The following LRMDA variants were observed in gnomAD, a reference collection of about 807,000 sequenced individuals.
LRMDA encodes leucine-rich melanocyte differentiation-associated protein.
LRMDA carries 18 observed loss-of-function variants against 29.8 expected under a neutral mutation model. The ratio of observed to expected loss-of-function variants is 0.60; its 90% CI spans 0.42 to 0.90. The LOEUF (loss-of-function observed/expected upper bound fraction) is 0.90, where lower values mean the gene tolerates loss of function less well. Ranked by LOEUF, LRMDA falls within the 40% of genes least tolerant of loss-of-function variation. The pLI is 0.00. For missense variants in LRMDA, 273 were observed against 273.9 expected, an observed-to-expected ratio of 1.00 and a Z score of 0.02; for synonymous variants, 125 against 109.4, an observed-to-expected ratio of 1.14 and a Z score of -0.89.
chr10:76,559,306 C>T lies in LRMDA; in HGVS notation c.*2018C>T, dbSNP rs1462880382. The T allele has an allele frequency of 1.3e-5, 2 of 152,040 alleles. No individual in the cohort carries two copies. Among genetic ancestry groups the T allele is most frequent in the Non-Finnish European group, 2.9e-5 (2 of 68,014 alleles). The allele number at this position is 152,040 out of a possible 1,614,324, so 9.4% of individuals were successfully genotyped here. On this transcript the variant is annotated 3_prime_UTR_variant, in exon 7 of 7. Transcript: ENST00000611255. Reference sequence around the variant, plus strand: ...TTTGTATCATGCGCAGGAATGTCTCCCTCAATGTGAGCTTTGGAGGCAAAA... The same window carrying T: ...TTTGTATCATGCGCAGGAATGTCTCTCTCAATGTGAGCTTTGGAGGCAAAA...
intron 6 of LRMDA, among the ~76,000 whole-genome samples, chr10:76,447,221 A>G (rs1244953877): frequency 1.3e-5 from 2 of 152,068 alleles, no homozygotes; most frequent in South Asian, 2.1e-4. Context: ...TAGTTTCTAT[A>G]TTGATTATTT....
chr10:75,896,664 A>G (rs946121460), intron 2 of LRMDA, among the ~76,000 whole-genome samples: 5 of 152,342 alleles, frequency 3.3e-5, no homozygotes, highest in East Asian at 1.9e-4. Flanking sequence ...ATGATCACAC[A>G]TAAAGGGCAC....
intron 2 of LRMDA, among the ~76,000 whole-genome samples, chr10:76,027,592 C>T (rs1460115981): frequency 6.6e-6 from 1 of 152,128 alleles, no homozygotes; most frequent in Non-Finnish European, 1.5e-5. Flanking sequence ...TATAATGTCT[C>T]TGTGTACAAG....
chr10:76,153,033 G>A (rs962641087), intron 5 of LRMDA, among the ~76,000 whole-genome samples: 1 of 152,026 alleles, frequency 6.6e-6, no homozygotes, highest in Admixed American at 6.6e-5. Flanking sequence ...TAGAGACGGG[G>A]TTTCACCATG....
chr10:76,058,014 A>G (rs1848644198), intron 4 of LRMDA, among the ~76,000 whole-genome samples: 2 of 152,220 alleles, frequency 1.3e-5, no homozygotes, highest in Admixed American at 6.5e-5. Context: ...CTTCCAGGGA[A>G]ATGGAGAGCA....
rs562991441 is a variant in LRMDA at position 76,376,715 on chromosome 10, A to G, written c.601+52230A>G. On this transcript the variant is annotated intron_variant, in intron 6 of 6. Transcript: ENST00000611255. ...AGCATTCACATTCCTGTTTCTCCACATTCTTGCCAACATCTGTTGTATTTT... is the reference window on the plus strand; with the variant it reads ...AGCATTCACATTCCTGTTTCTCCACGTTCTTGCCAACATCTGTTGTATTTT... Among the ~76,000 whole-genome samples the G allele has an allele frequency of 9.2e-5, 14 of 152,186 alleles. 1 individual carries two copies. In the South Asian group the frequency reaches 2.7e-3, roughly 29 times the overall value.
chr10:75,895,881 T>C (rs1339117806), intron 2 of LRMDA, among the ~76,000 whole-genome samples: 2 of 152,202 alleles, frequency 1.3e-5, no homozygotes, highest in Non-Finnish European at 2.9e-5. Flanking sequence ...GAAATGAGTA[T>C]GGTGAAGTGA....
At chr10:76,267,841 G>A (rs974758044) in intron 5 of LRMDA, among the ~76,000 whole-genome samples, 1 of 151,922 alleles carries the variant, frequency 6.6e-6, no homozygotes, top group African/African-American at 2.4e-5. Flanking sequence ...ATTGACCCTT[G>A]TATTATTATT....
At chr10:76,469,348 G>T (rs1371889659) in intron 6 of LRMDA, among the ~76,000 whole-genome samples, 1 of 152,138 alleles carries the variant, frequency 6.6e-6, no homozygotes, top group Admixed American at 6.5e-5. Flanking sequence ...AGAAGTCAGA[G>T]ACTACTGTTC....
chr10:76,409,275 C>T (rs1172264707), intron 6 of LRMDA, among the ~76,000 whole-genome samples: 1 of 152,074 alleles, frequency 6.6e-6, no homozygotes, highest in Non-Finnish European at 1.5e-5. Flanking sequence ...TTTTGTAGTT[C>T]AAAAGTATTA....
chr10:75,796,165 T>C (rs1468550991), intron 2 of LRMDA, among the ~76,000 whole-genome samples: 2 of 146,876 alleles, frequency 1.4e-5, no homozygotes, highest in Non-Finnish European at 3.0e-5. Context: ...CTTCCCAATT[T>C]TATGTATTTT....
intron 2 of LRMDA, among the ~76,000 whole-genome samples, chr10:75,831,651 A>G (rs996769220): frequency 6.6e-6 from 1 of 152,170 alleles, no homozygotes; most frequent in Non-Finnish European, 1.5e-5. Context: ...CTCCAATCCC[A>G]CATTTCCTGG....
intron 2 of LRMDA, among the ~76,000 whole-genome samples, chr10:75,545,331 G>A (rs1237304974): frequency 6.6e-6 from 1 of 152,166 alleles, no homozygotes; most frequent in East Asian, 1.9e-4. Flanking sequence ...GGTCTGGGGG[G>A]TTGGGCAGAA....
intron 2 of LRMDA, among the ~76,000 whole-genome samples, chr10:75,787,341 C>T (rs1471608936): frequency 4.6e-5 from 7 of 152,184 alleles, no homozygotes; most frequent in Non-Finnish European, 5.9e-5. Flanking sequence ...GCGGCATAGC[C>T]TGTGCTTTCC....
chr10:76,539,984 TCA>T (rs35952483), intron 6 of LRMDA, among the ~76,000 whole-genome samples: 57,407 of 149,982 alleles, frequency 0.38, 11,487 homozygotes, highest in African/African-American at 0.45. Context: ...ATCAACATGT[TCA>T]CACACACACA....
chr10:75,802,084 A>C (rs892540746), intron 2 of LRMDA, among the ~76,000 whole-genome samples: 3 of 152,136 alleles, frequency 2.0e-5, no homozygotes, highest in African/African-American at 7.2e-5. Flanking sequence ...AGGCATGCTG[A>C]GGCAGGAGGA....
Position 75,470,498 on chromosome 10 carries a change from A to G in LRMDA, c.131+32004A>G, listed in dbSNP as rs181117031. Among the ~76,000 whole-genome samples, 14 of 152,356 alleles carry G rather than the reference A, an allele frequency of 9.2e-5. No individual in the cohort carries two copies. The East Asian group carries it at 2.7e-3, about 29-fold the overall frequency. ...GGAGACACAGCGAGACTCAGTCTCA[A>G]GAAAACAAAGACCCGTAAAGCCGAA... On this transcript the variant is annotated intron_variant, in intron 2 of 6. Coordinates refer to ENST00000611255, the MANE Select transcript of LRMDA (RefSeq NM_001305581.2).
chr10:75,757,026 G>A (rs183553017), intron 2 of LRMDA, among the ~76,000 whole-genome samples: 2 of 152,260 alleles, frequency 1.3e-5, no homozygotes. Flanking sequence ...TTTAACTATT[G>A]ATGGTTTCAA....
At chr10:75,812,103 T>C (rs1197983226) in intron 2 of LRMDA, among the ~76,000 whole-genome samples, 1 of 140,970 alleles carries the variant, frequency 7.1e-6, no homozygotes, top group Non-Finnish European at 1.5e-5. Flanking sequence ...GGGGCTTTAA[T>C]TGTGATTTTT....
Sources: gnomAD v4.1 joint callset for allele counts (sites outside exome capture counted in the v4.1 genomes callset) on GRCh38, gnomAD v4.1.1 for gene constraint, MANE v1.5 for transcripts, NCBI Gene and HGNC (gene_info 2026-07-23, HGNC 2026-07-21) for gene names.